The following TBC1D4 variants were observed in gnomAD, a reference collection of about 807,000 sequenced individuals.
TBC1D4 encodes TBC1 domain family member 4.
A neutral mutation model predicts 142.5 loss-of-function variants in TBC1D4; 121 were observed. The observed-to-expected ratio is 0.85, with a 90% CI of 0.73 to 0.99. The LOEUF (loss-of-function observed/expected upper bound fraction) is 0.99, where lower values mean the gene tolerates loss of function less well. Ranked by LOEUF, TBC1D4 falls within the 50% of genes least tolerant of loss-of-function variation. TBC1D4 has a pLI of 0.00. For missense variants in TBC1D4, 1,475 were observed against 1,606.6 expected (o/e 0.92, Z 1.40); for synonymous variants, 630 against 628.2 (o/e 1.00, Z -0.04).
At chr13:75,370,147 AC>A (rs1334188666) in intron 1 of TBC1D4, among the ~76,000 whole-genome samples, 2 of 152,206 alleles carry the variant, frequency 1.3e-5, no homozygotes, top group African/African-American at 2.4e-5. Flanking sequence ...AACATCAAGT[AC>A]TAAGGCCCTG....
rs1248812386 is a variant in TBC1D4, at chr13:75,319,916, C to T, written c.2222+98G>A. On this transcript the variant is annotated intron_variant, in intron 12 of 20. Transcript: ENST00000377636. ...AGCACTCAGAAAGATGGCATGCATT[C>T]AGGAGACAAACAAAACTGCTTTTTA... is the stretch of plus-strand genomic sequence containing the variant. The T allele has an allele frequency of 7.7e-6, 10 of 1,303,632 alleles. No individual in the cohort carries two copies. In the Admixed American group the frequency reaches 1.9e-4, roughly 25 times the overall value. The allele number at this position is 1,303,632 out of a possible 1,614,324, so 80.8% of individuals were successfully genotyped here.
chr13:75,366,022 T>A (rs1882887453), intron 1 of TBC1D4, among the ~76,000 whole-genome samples: 1 of 152,150 alleles, frequency 6.6e-6, no homozygotes, highest in Admixed American at 6.5e-5. Flanking sequence ...GAAGTGACGG[T>A]ATGTTTCCAG....
chr13:75,291,410 T>C (rs1008615365), intron 19 of TBC1D4, among the ~76,000 whole-genome samples: 3 of 152,126 alleles, frequency 2.0e-5, no homozygotes, highest in African/African-American at 7.2e-5. Context: ...GCAGCAGGGG[T>C]TTGAACAGCT....
chr13:75,383,106 G>T (rs1883949119), intron 1 of TBC1D4, among the ~76,000 whole-genome samples: 1 of 152,222 alleles, frequency 6.6e-6, no homozygotes, highest in Non-Finnish European at 1.5e-5. Context: ...CGGCTCACTT[G>T]AGGCCAGGAG....
At chr13:75,342,907 G>C (rs1298988612) in intron 5 of TBC1D4, among the ~76,000 whole-genome samples, 1 of 151,918 alleles carries the variant, frequency 6.6e-6, no homozygotes, top group Non-Finnish European at 1.5e-5. Context: ...TTATAAGGCT[G>C]CCTTTGCTAT....
intron 8 of TBC1D4, among the ~76,000 whole-genome samples, chr13:75,336,346 G>T (rs1245156381): frequency 6.6e-6 from 1 of 151,706 alleles, no homozygotes; most frequent in Non-Finnish European, 1.5e-5. Context: ...GCAGTAAGCT[G>T]AGATCGCACC....
At chr13:75,423,469 A>AAG (rs201869648) in intron 1 of TBC1D4, among the ~76,000 whole-genome samples, 2 of 152,238 alleles carry the variant, frequency 1.3e-5, no homozygotes, top group South Asian at 2.1e-4. Context: ...TTTTAAGAAA[A>AAG]AGAGAGAGAG....
chr13:75,303,730 G>T (rs1259664838), intron 15 of TBC1D4, among the ~76,000 whole-genome samples: 1 of 152,164 alleles, frequency 6.6e-6, no homozygotes, highest in Non-Finnish European at 1.5e-5. Context: ...AGGCTCGTTG[G>T]CATGACTTAT....
At chr13:75,477,578 A>G (rs1888671723) in intron 1 of TBC1D4, among the ~76,000 whole-genome samples, 1 of 151,790 alleles carries the variant, frequency 6.6e-6, no homozygotes, top group South Asian at 2.1e-4. Flanking sequence ...TTAACATAAC[A>G]AAGTCTCATA....
intron 1 of TBC1D4, among the ~76,000 whole-genome samples, chr13:75,378,558 T>C (rs1268399823): frequency 4.6e-5 from 7 of 152,118 alleles, no homozygotes; most frequent in Non-Finnish European, 1.0e-4. Flanking sequence ...CTAGCTCTCT[T>C]TTAGTGTAGG....
chr13:75,443,310 T>C (rs1305315726), intron 1 of TBC1D4, among the ~76,000 whole-genome samples: 1 of 152,232 alleles, frequency 6.6e-6, no homozygotes, highest in Non-Finnish European at 1.5e-5. Flanking sequence ...ACTGAGCAGA[T>C]ATCTCATTTC....
chr13:75,299,580 G>C lies in TBC1D4; in HGVS notation c.2912-6C>G. 1.9e-6 allele frequency: 3 copies of C among 1,613,984 alleles called. No individual in the cohort carries two copies. Among genetic ancestry groups the C allele is most frequent in the Non-Finnish European group, 2.5e-6 (3 of 1,180,012 alleles). The stretch of plus-strand genomic sequence containing the variant: ...GTGAGTAGGAAACGTCCTTCCTGCA[G>C]AGGAAAAGAAGGAAAATATTTTTTG... On this transcript the variant is annotated splice_polypyrimidine_tract_variant and splice_region_variant and intron_variant, in intron 16 of 20. Transcript: ENST00000377636.
At chr13:75,301,093 C>A (rs1318702749) in intron 16 of TBC1D4, among the ~76,000 whole-genome samples, 1 of 152,076 alleles carries the variant, frequency 6.6e-6, no homozygotes, top group African/African-American at 2.4e-5. Flanking sequence ...TTTTCATATG[C>A]CCTAATATAA....
At chr13:75,391,069 CACACAA>C (rs1410001827) in intron 1 of TBC1D4, among the ~76,000 whole-genome samples, 5 of 128,180 alleles carry the variant, frequency 3.9e-5, no homozygotes, top group African/African-American at 1.1e-4. Flanking sequence ...CACACACACA[CACACAA>C]ACAACTTGTA....
intron 18 of TBC1D4, among the ~76,000 whole-genome samples, chr13:75,293,613 GA>G (rs1875569463): frequency 6.6e-5 from 10 of 152,192 alleles, no homozygotes; most frequent in Admixed American, 6.5e-4. Context: ...TGTCACTGTA[GA>G]AAAGCAATAG....
intron 1 of TBC1D4, among the ~76,000 whole-genome samples, chr13:75,408,733 G>A (rs895328187): frequency 3.9e-5 from 6 of 152,110 alleles, no homozygotes; most frequent in African/African-American, 1.4e-4. Context: ...ATCAACACTT[G>A]TTATTATCAG....
At position 75,341,568 on chromosome 13, in the gene TBC1D4, G is replaced by A; in HGVS notation, c.1428C>T (p.Ala476=). The A allele has an allele frequency of 1.2e-6, 2 of 1,613,950 alleles. No homozygotes were observed. The highest frequency in any genetic ancestry group is 4.5e-5 in the East Asian group (2 of 44,862). ...ERIEGLYPPR[A]KLVIQRHLSS... ...AGAGATGCCTCTGTATCACCAGCTTGGCTCTTGGTGGGTAGAGACCTAAGG... is the reference window on the plus strand; with the variant it reads ...AGAGATGCCTCTGTATCACCAGCTTAGCTCTTGGTGGGTAGAGACCTAAGG... The change falls in exon 6 of 21, where the codon GCC becomes GCT. Residue 476 remains alanine (A), a synonymous_variant. Coordinates refer to ENST00000377636, the MANE Select transcript of TBC1D4 (RefSeq NM_014832.5).
Position 75,285,122 on chromosome 13 carries a change from T to A in TBC1D4, c.*1670A>T, listed in dbSNP as rs888966774. The A allele has an allele frequency of 6.6e-6, 1 of 152,200 alleles. No homozygotes were observed. Among genetic ancestry groups the A allele is most frequent in the Non-Finnish European group, 1.5e-5 (1 of 68,044 alleles). The allele number at this position is 152,200 out of a possible 1,614,324, so 9.4% of individuals were successfully genotyped here. ...ATCAGCATTTTCTAGAACTTAGAAG[T>A]TACATTAACTTTATTAATAAGATTT... On this transcript the variant is annotated 3_prime_UTR_variant, in exon 21 of 21. Coordinates refer to ENST00000377636, the MANE Select transcript of TBC1D4 (RefSeq NM_014832.5).
intron 12 of TBC1D4, among the ~76,000 whole-genome samples, chr13:75,318,816 T>C (rs1878521602): frequency 6.6e-6 from 1 of 152,212 alleles, no homozygotes; most frequent in African/African-American, 2.4e-5. Flanking sequence ...TTTTATTTCC[T>C]AAACTCTACA....
Sources: allele counts gnomAD v4.1 joint callset (sites outside exome capture counted in the v4.1 genomes callset), GRCh38; gene constraint gnomAD v4.1.1; transcripts MANE v1.5; gene names NCBI Gene and HGNC (gene_info 2026-07-23, HGNC 2026-07-21).